Variants in SZT2 observed in about 807,000 individuals in gnomAD.
The protein encoded by SZT2 is SZT2 subunit of KICSTOR complex.
A neutral mutation model predicts 404.2 loss-of-function variants in SZT2; 216 were observed. The ratio of observed to expected loss-of-function variants is 0.53; its 90% CI spans 0.48 to 0.60. The LOEUF (loss-of-function observed/expected upper bound fraction) is 0.60. SZT2 is among the 20% of genes least tolerant of loss of function. SZT2 has a pLI of 0.00. For missense variants in SZT2, 3,857 were observed against 4,459.2 expected (o/e 0.86, Z 3.85); for synonymous variants, 1,693 against 1,749.9 (o/e 0.97, Z 0.81).
intron 40 of SZT2, among the ~76,000 whole-genome samples, chr1:43,433,963 T>TGACAG (rs1297252797): frequency 6.6e-6 from 1 of 152,110 alleles, no homozygotes; most frequent in African/African-American, 2.4e-5. Context: ...CCACAGTAAG[T>TGACAG]GACAGAGCCA....
intron 40 of SZT2, 132 bp from the exon 41 acceptor site, chr1:43,434,254 T>C (rs1014624722): frequency 4.1e-6 from 3 of 738,316 alleles, no homozygotes; most frequent in Non-Finnish European, 6.5e-6. Flanking sequence ...TCATGGTTTC[T>C]CTTGGCCCCA....
chr1:43,453,727 G>A lies in SZT2; in HGVS notation c.*3247G>A, dbSNP rs1404397277. 7.2e-7 allele frequency: 1 copy of A among 1,389,076 alleles called. No individual in the cohort carries two copies. Among genetic ancestry groups the A allele is most frequent in the Non-Finnish European group, 9.2e-7 (1 of 1,083,222 alleles). The allele number at this position is 1,389,076 out of a possible 1,614,324, so 86.0% of individuals were successfully genotyped here. Reference sequence around the variant, plus strand: ...CCCGAGCTGCCCGCGGCCCGCACCCGCGCGGGGAGGCCGGAGAGCTCGGGG... The same window carrying A: ...CCCGAGCTGCCCGCGGCCCGCACCCACGCGGGGAGGCCGGAGAGCTCGGGG... On this transcript the variant is annotated 3_prime_UTR_variant, in exon 72 of 72. Transcript: ENST00000634258.
chr1:43,447,767 A>T, intron 67 of SZT2, 69 bp downstream of exon 67: 1 of 1,610,602 alleles, frequency 6.2e-7, no homozygotes, highest in Admixed American at 1.7e-5. Context: ...TGCAGTAGGG[A>T]GACCAATGTT....
rs1652645364 is a variant in SZT2 at position 43,423,293 on chromosome 1, G to T, written c.2232G>T (p.Lys744Asn). 6.5e-7 allele frequency: 1 copy of T among 1,545,926 alleles called. No individual in the cohort carries two copies. ...GGCCCTGCCTTGTGGTCCTGCATAA[G>T]CCACTGGACAAACTGCTCATCAGGT... ...SDRPCLVVLH[K>N]PLDKLLIRYE... is the part of the protein sequence containing the mutation. The change falls in exon 15 of 72, where the codon AAG (lysine) becomes AAT (asparagine). Residue 744 changes from lysine to asparagine, a missense_variant. This residue lies in a region of SZT2 where 1,725 missense variants were observed against 1,881.0 expected (regional missense o/e 0.92). Transcript: ENST00000634258.
chr1:43,449,233 G>C (rs1197778159), intron 70 of SZT2: 2 of 168,148 alleles, frequency 1.2e-5, no homozygotes, highest in Non-Finnish European at 2.6e-5. Context: ...AGGACAGGTA[G>C]AGAGAACTGT....
At position 43,442,497 on chromosome 1, in the gene SZT2, C is replaced by G. The variant is rs1419150670; in HGVS notation, c.8030C>G (p.Ala2677Gly). 3.7e-6 allele frequency: 6 copies of G among 1,614,002 alleles called. No individual in the cohort carries two copies. Among genetic ancestry groups the G allele is most frequent in the Non-Finnish European group, 5.1e-6 (6 of 1,180,002 alleles). ...APDLGAALGR[A>G]LVRLVQWQNA... is the part of the protein sequence containing the mutation. ...GACCTGGGGGCAGCATTGGGCCGAG[C>G]GCTGGTTCGCCTGGTGCAGTGGCAG... is the stretch of plus-strand genomic sequence containing the variant. The change falls in exon 58 of 72, where the codon GCG becomes GGG. Residue 2677 changes from alanine (A) to glycine (G), a missense_variant. Ala to Gly is a moderately conservative substitution (Grantham distance 60). Around this residue, in one of 7 missense-constraint regions of SZT2, gnomAD observed 573 missense variants for 592.4 expected, o/e 0.97. Transcript: ENST00000634258. This position sits in a 1 kb window ranked among gnomAD's most constrained non-coding sequence, Gnocchi z 4.5.
In SZT2 at chr1:43,452,369, C is replaced by T. The variant is rs985177751; in HGVS notation, c.*1889C>T. ...CTTGCCTCCCTTGGCTCTCTCTGCA[C>T]CTCTTCCAGGATTCCCTGACTGTGC... On this transcript the variant is annotated 3_prime_UTR_variant, in exon 72 of 72. Transcript: ENST00000634258. 3 of 1,432,196 alleles carry T rather than the reference C, an allele frequency of 2.1e-6. No homozygotes were observed. Among genetic ancestry groups the T allele is most frequent in the Admixed American group, 3.6e-5 (2 of 56,104 alleles). 88.7% of individuals were successfully genotyped at this position (1,432,196 alleles called of 1,614,324 possible). A position where few individuals can be genotyped will look rare whatever the true frequency, so the allele number is the denominator to read the frequency against.
Position 43,425,148 on chromosome 1 carries a change from GCACAC to G in SZT2, c.2588_2592del (p.His863LeufsTer23). On this transcript the variant is annotated frameshift_variant, in exon 18 of 72. Coordinates refer to ENST00000634258, the MANE Select transcript of SZT2 (RefSeq NM_001365999.1). LOFTEE classifies it high-confidence loss of function. The surrounding 1 kb of genome is among the most constrained non-coding windows in gnomAD (Gnocchi z 4.3). ...CAGGGCAGGCTGCAGCTGAAGAGAA[GCACAC>G]CTGTGTTGTCCAGTACATCCTCTTC... The G allele has an allele frequency of 6.2e-7, 1 of 1,614,186 alleles. No individual in the cohort carries two copies.
chr1:43,413,380 T>C (rs1361336695), intron 4 of SZT2, among the ~76,000 whole-genome samples: 1 of 152,092 alleles, frequency 6.6e-6, no homozygotes, highest in African/African-American at 2.4e-5. Context: ...AGACTCCATC[T>C]CAAACAAAAA....
Position 43,439,607 on chromosome 1 carries a change from G to T in SZT2, c.6880G>T (p.Val2294Phe). The change falls in exon 50 of 72, where the codon GTT (valine) becomes TTT (phenylalanine). Residue 2294 changes from valine to phenylalanine, a missense_variant and splice_region_variant. Transcript: ENST00000634258. This position sits in a 1 kb window ranked among gnomAD's most constrained non-coding sequence, Gnocchi z 4.2. ...CCTTCCTATGGATTTCTACCCAGGGGTTGCCTGCATCACTCTAGCCTTTGT... is the reference window on the plus strand; with the variant it reads ...CCTTCCTATGGATTTCTACCCAGGGTTTGCCTGCATCACTCTAGCCTTTGT... ...PGGQGTGGKG[V>F]ACITLAFVDE... 2 of 1,613,940 alleles carry T rather than the reference G, an allele frequency of 1.2e-6. No homozygotes were observed. The highest frequency in any genetic ancestry group is 1.7e-6 in the Non-Finnish European group (2 of 1,179,910).
chr1:43,425,494 A>T lies in SZT2; in HGVS notation c.2666A>T (p.Asn889Ile). The T allele has an allele frequency of 6.2e-7, 1 of 1,614,098 alleles. No homozygotes were observed. The highest frequency in any genetic ancestry group is 8.5e-7 in the Non-Finnish European group (1 of 1,180,016). Residue 889 changes from asparagine (N) to isoleucine (I), a missense_variant, in exon 19 of 72, where the codon AAT becomes ATT. Coordinates refer to ENST00000634258, the MANE Select transcript of SZT2 (RefSeq NM_001365999.1). The surrounding 1 kb of genome is among the most constrained non-coding windows in gnomAD (Gnocchi z 4.3). The stretch of plus-strand genomic sequence containing the variant: ...TTTAGCTTCTCGACAGATGATGACA[A>T]TGATGTGGAAGTGGAGGCCCTGGAG... ...TKDSFSTDDD[N>I]DVEVEALEGD...
intron 41 of SZT2, among the ~76,000 whole-genome samples, chr1:43,434,748 A>G (rs1654287452): frequency 3.9e-5 from 6 of 152,190 alleles, no homozygotes; most frequent in Admixed American, 3.9e-4. Context: ...GCACTGTGCT[A>G]GCATTAGTGA....
chr1:43,448,984 C>A lies in SZT2; in HGVS notation c.10086+256C>A, dbSNP rs1339593139. ...AGATCCTGAGGGCCAGGCTCTGGAA[C>A]TGACAACCCAAGGAGCTGTCAGAAC... is the stretch of plus-strand genomic sequence containing the variant. On this transcript the variant is annotated intron_variant, in intron 70 of 71. Coordinates refer to ENST00000634258, the MANE Select transcript of SZT2 (RefSeq NM_001365999.1). The surrounding 1 kb of genome is among the most constrained non-coding windows in gnomAD (Gnocchi z 4.2). 1 of 475,894 alleles carries A rather than the reference C, an allele frequency of 2.1e-6. No homozygotes were observed. Among genetic ancestry groups the A allele is most frequent in the Non-Finnish European group, 3.8e-6 (1 of 265,232 alleles). The allele number at this position is 475,894 out of a possible 1,614,324, so 29.5% of individuals were successfully genotyped here. A position where few individuals can be genotyped will look rare whatever the true frequency, so the allele number is the denominator to read the frequency against.
In SZT2 at chr1:43,431,894, T is replaced by G; in HGVS notation, c.5267T>G (p.Phe1756Cys). ...VFGPERSLTQ[F>C]KEEFRRLHLP... ...GGGCCAGAGCGTTCCCTCACACAAT[T>G]CAAGGAGGTAAGTTGCCCTCCAAAC... Residue 1756 changes from phenylalanine (F) to cysteine (C), a missense_variant, in exon 36 of 72, where the codon TTC becomes TGC. Coordinates refer to ENST00000634258, the MANE Select transcript of SZT2 (RefSeq NM_001365999.1). The G allele has an allele frequency of 6.2e-7, 1 of 1,614,062 alleles. No individual in the cohort carries two copies. Among genetic ancestry groups the G allele is most frequent in the African/African-American group, 1.3e-5 (1 of 75,014 alleles).
intron 4 of SZT2, chr1:43,405,762 G>C (rs1440390956): frequency 2.6e-5 from 4 of 152,214 alleles, no homozygotes; most frequent in Non-Finnish European, 2.9e-5. Context: ...TGGGGGCCAG[G>C]TTTTGCAGGC....
In SZT2 at chr1:43,439,315, C is replaced by G. The variant is rs144189521; in HGVS notation, c.6793-43C>G. The G allele has an allele frequency of 2.9e-4, 470 of 1,607,448 alleles. 1 individual carries two copies. Among genetic ancestry groups the G allele is most frequent in the South Asian group, 6.4e-4 (58 of 90,770 alleles). Reference sequence around the variant, plus strand: ...GGGCACCCATCCCCGAGGGTTTTGTCCATTTGCTTGCTCTTAGTGCTCTGT... The same window carrying G: ...GGGCACCCATCCCCGAGGGTTTTGTGCATTTGCTTGCTCTTAGTGCTCTGT... On this transcript the variant is annotated intron_variant, in intron 48 of 71. Coordinates refer to ENST00000634258, the MANE Select transcript of SZT2 (RefSeq NM_001365999.1). The surrounding 1 kb of genome is among the most constrained non-coding windows in gnomAD (Gnocchi z 4.2).
chr1:43,426,575 C>G lies in SZT2; in HGVS notation c.3214+37C>G, dbSNP rs1653170787. 6.6e-7 allele frequency: 1 copy of G among 1,522,876 alleles called. No homozygotes were observed. Among genetic ancestry groups the G allele is most frequent in the East Asian group, 2.4e-5 (1 of 40,968 alleles). The allele number at this position is 1,522,876 out of a possible 1,614,324, so 94.3% of individuals were successfully genotyped here. On this transcript the variant is annotated intron_variant, in intron 22 of 71. Transcript: ENST00000634258. This position sits in a 1 kb window ranked among gnomAD's most constrained non-coding sequence, Gnocchi z 4.9. ...ACATCCTCCTGACACCAGACCCTGG[C>G]CCAGCCCTTTTCCCCCACCCTCACA...
chr1:43,450,340 C>CT lies in SZT2; in HGVS notation c.10160dup (p.Thr3388AspfsTer59). On this transcript the variant is annotated frameshift_variant, in exon 72 of 72. Coordinates refer to ENST00000634258, the MANE Select transcript of SZT2 (RefSeq NM_001365999.1). LOFTEE classifies it high-confidence loss of function. The surrounding 1 kb of genome is among the most constrained non-coding windows in gnomAD (Gnocchi z 4.3). ...ATCCCCACCGTGTTCCCCACAGTCT[C>CT]TGACAGTGGTTTTCCGAGAGCCCTT... 1 of 1,614,106 alleles carries CT rather than the reference C, an allele frequency of 6.2e-7. No homozygotes were observed. Among genetic ancestry groups the CT allele is most frequent in the Non-Finnish European group, 8.5e-7 (1 of 1,179,986 alleles).
chr1:43,429,877 T>C, intron 29 of SZT2, 33 bp downstream of exon 29: 1 of 1,613,634 alleles, frequency 6.2e-7, no homozygotes, highest in Non-Finnish European at 8.5e-7. Flanking sequence ...GAAGAGGTGT[T>C]AGAGTCCTGC....
Sources: gnomAD v4.1 joint callset for allele counts (sites outside exome capture counted in the v4.1 genomes callset) on GRCh38, gnomAD v4.1.1 for gene constraint, gnomAD v4.1.1 regional missense constraint, Gnocchi (gnomAD v3.1) non-coding constraint, MANE v1.5 for transcripts, NCBI Gene and HGNC (gene_info 2026-07-23, HGNC 2026-07-21) for gene names.